The following CEP290 variants were observed in gnomAD, a reference collection of about 807,000 sequenced individuals.
The protein encoded by CEP290 is centrosomal protein of 290 kDa.
A neutral mutation model predicts 344.9 loss-of-function variants in CEP290; 317 were observed. That is an observed-to-expected ratio of 0.92 (90% CI 0.84 to 1.01). The LOEUF (loss-of-function observed/expected upper bound fraction) is 1.01, where lower values mean the gene tolerates loss of function less well. Ranked by LOEUF, CEP290 falls within the 50% of genes least tolerant of loss-of-function variation. The pLI, the probability that CEP290 is intolerant of heterozygous loss-of-function variation, is 0.00. For synonymous variants in CEP290, 932 were observed against 895.8 expected (o/e 1.04, Z -0.72); for missense variants, 2,754 against 2,761.4 (o/e 1.00, Z 0.06).
chr12:88,115,515 T>A, intron 18 of CEP290: 1 of 1,296,136 alleles, frequency 7.7e-7, no homozygotes, highest in Middle Eastern at 2.1e-4. Context: ...AAGCTCTATA[T>A]CTGCATTTCT....
At position 88,067,278 on chromosome 12, in the gene CEP290, AAGTT is replaced by A. The variant is rs529087726; in HGVS notation, c.6135+1240_6135+1243del. ...ACTAATTTTTGTAGGAACTAATCAA[AAGTT>A]AGAGCTTAAGATAAAGTTTACTAAT... On this transcript the variant is annotated intron_variant, in intron 44 of 53. Transcript: ENST00000552810. Among the ~76,000 whole-genome samples, 219 of 152,328 alleles carry A rather than the reference AAGTT, an allele frequency of 1.4e-3. 1 individual carries two copies. Among genetic ancestry groups the A allele is most frequent in the Middle Eastern group, 0.01 (3 of 294 alleles).
chr12:88,110,680 G>A (rs886857692), intron 22 of CEP290, among the ~76,000 whole-genome samples: 1 of 152,142 alleles, frequency 6.6e-6, no homozygotes, highest in African/African-American at 2.4e-5. Flanking sequence ...CTGCACTCCA[G>A]CCTGAGTGAC....
In CEP290 at chr12:88,077,860, C is replaced by T. The variant is rs763278328; in HGVS notation, c.5423G>A (p.Ser1808Asn). ...LLKLKEALKT[S>N]KNRENSLTDN... ...AGTTAGTGAGTTTTCTCTGTTTTTA[C>T]TTGTTTTAAGTGCTTCTTTCAATTT... is the stretch of plus-strand genomic sequence containing the variant. Residue 1808 changes from serine (S) to asparagine (N), a missense_variant, in exon 40 of 54, where the codon AGT becomes AAT. By Grantham distance (46) the Ser-to-Asn change is conservative (BLOSUM62 1). Coordinates refer to ENST00000552810, the MANE Select transcript of CEP290 (RefSeq NM_025114.4). 3.4e-6 allele frequency: 5 copies of T among 1,455,746 alleles called. No homozygotes were observed. The highest frequency in any genetic ancestry group is 4.7e-6 in the Non-Finnish European group (5 of 1,068,978). 90.2% of individuals were successfully genotyped at this position (1,455,746 alleles called of 1,614,324 possible).
intron 20 of CEP290, among the ~76,000 whole-genome samples, chr12:88,112,828 G>A (rs1243038524): frequency 1.3e-5 from 2 of 152,104 alleles, no homozygotes; most frequent in African/African-American, 4.8e-5. Flanking sequence ...GAAGATAAAA[G>A]TAGGTAGAGG....
intron 39 of CEP290, among the ~76,000 whole-genome samples, chr12:88,078,752 C>A (rs2035970262): frequency 6.6e-6 from 1 of 151,856 alleles, no homozygotes; most frequent in African/African-American, 2.4e-5. Flanking sequence ...TACAGGAAAT[C>A]TCTGTACCTT....
At chr12:88,084,048 A>C in intron 35 of CEP290, 94 bp from the exon 36 acceptor site, 1 of 787,572 alleles carries the variant, frequency 1.3e-6, no homozygotes, top group South Asian at 1.7e-5. Context: ...AATCTTCTAA[A>C]ATTCCTTTGA....
rs775938792 is a variant in CEP290 at position 88,083,188 on chromosome 12, G to A, written c.4855C>T (p.His1619Tyr). 1 of 1,527,922 alleles carries A rather than the reference G, an allele frequency of 6.5e-7. No homozygotes were observed. The highest frequency in any genetic ancestry group is 8.8e-7 in the Non-Finnish European group (1 of 1,141,188). The allele number at this position is 1,527,922 out of a possible 1,614,324, so 94.6% of individuals were successfully genotyped here. A position where few individuals can be genotyped will look rare whatever the true frequency, so the allele number is the denominator to read the frequency against. ...QSPTPVPTNK[H>Y]FIRLAEMEQT... ...TCCATCTCAGCCAGACGAATAAAAT[G>A]CTTGTTGGTAGGAACTGGAGTGGGA... Residue 1619 changes from histidine (H) to tyrosine (Y), a missense_variant, in exon 37 of 54, where the codon CAT becomes TAT. By Grantham distance (83) the His-to-Tyr change is moderately conservative (BLOSUM62 2). Transcript: ENST00000552810.
rs762199047 is a variant in CEP290, at chr12:88,049,375, C to G, written c.7249G>C (p.Asp2417His). Residue 2417 changes from aspartate (D) to histidine (H), a missense_variant, in exon 54 of 54, where the codon GAT becomes CAT. Physicochemically the swap from Asp to His is moderately conservative, Grantham distance 81 (BLOSUM62 -1). Coordinates refer to ENST00000552810, the MANE Select transcript of CEP290 (RefSeq NM_025114.4). ...TCAATTTCTTCAAAAAATGAAGGAT[C>G]AAAATTTTCCAGTTCTTTTTTCAGC... is the stretch of plus-strand genomic sequence containing the variant. Reference protein sequence around the residue: ...KKLKKELENFDPSFFEEIEDL... With the variant: ...KKLKKELENFHPSFFEEIEDL... 5 of 1,546,580 alleles carry G rather than the reference C, an allele frequency of 3.2e-6. No homozygotes were observed. Among genetic ancestry groups the G allele is most frequent in the Non-Finnish European group, 4.4e-6 (5 of 1,132,162 alleles).
intron 13 of CEP290, among the ~76,000 whole-genome samples, chr12:88,124,791 T>C (rs2039632020): frequency 6.6e-6 from 1 of 152,046 alleles, no homozygotes; most frequent in Non-Finnish European, 1.5e-5. Context: ...CTTATATTCA[T>C]AGAATTTGAT....
intron 49 of CEP290, among the ~76,000 whole-genome samples, chr12:88,057,300 A>C (rs1365541358): frequency 6.6e-6 from 1 of 152,194 alleles, no homozygotes; most frequent in Non-Finnish European, 1.5e-5. Context: ...AAATCTAGGC[A>C]AGGTGGGCTT....
chr12:88,108,554 T>G (rs982078849), intron 23 of CEP290, among the ~76,000 whole-genome samples: 3 of 152,164 alleles, frequency 2.0e-5, no homozygotes, highest in Non-Finnish European at 2.9e-5. Flanking sequence ...AGGAAATCAT[T>G]CTATTGATTT....
In CEP290 at chr12:88,106,749, CATTTT is replaced by C. The variant is rs1565876618; in HGVS notation, c.2738_2742del (p.Glu913GlyfsTer6). ...GACAACAATTCATTCTTTTGCTTCT[CATTTT>C]CTTTTCTAAGTTGTCGCTCCAATTC... On this transcript the variant is annotated frameshift_variant, in exon 25 of 54. Coordinates refer to ENST00000552810, the MANE Select transcript of CEP290 (RefSeq NM_025114.4). LOFTEE classifies it high-confidence loss of function. 1 of 1,611,328 alleles carries C rather than the reference CATTTT, an allele frequency of 6.2e-7. No individual in the cohort carries two copies. Among genetic ancestry groups the C allele is most frequent in the Non-Finnish European group, 8.5e-7 (1 of 1,178,646 alleles).
chr12:88,077,919 C>A lies in CEP290; in HGVS notation c.5365-1G>T. 1 of 1,223,996 alleles carries A rather than the reference C, an allele frequency of 8.2e-7. No individual in the cohort carries two copies. The highest frequency in any genetic ancestry group is 1.5e-5 in the South Asian group (1 of 67,998). The allele number at this position is 1,223,996 out of a possible 1,614,324, so 75.8% of individuals were successfully genotyped here. A position where few individuals can be genotyped will look rare whatever the true frequency, so the allele number is the denominator to read the frequency against. ...TTTCATTTAAATCTTCAACTTGTGT[C>A]TAATAAGAGAAAAAGAAAGGTATTA... On this transcript the variant is annotated splice_acceptor_variant, in intron 39 of 53. Transcript: ENST00000552810. LOFTEE classifies it high-confidence loss of function.
chr12:88,130,673 C>T (rs1326134999), intron 7 of CEP290, 108 bp from the exon 8 acceptor site: 5 of 807,188 alleles, frequency 6.2e-6, no homozygotes, highest in Non-Finnish European at 9.2e-6. Flanking sequence ...GAAAATGATG[C>T]ATATTATCTT....
chr12:88,131,817 A>G (rs1415104788), intron 6 of CEP290, among the ~76,000 whole-genome samples: 2 of 152,202 alleles, frequency 1.3e-5, no homozygotes, highest in Non-Finnish European at 2.9e-5. Flanking sequence ...AAAAACCCCT[A>G]ATAAAATGGT....
At position 88,114,554 on chromosome 12, in the gene CEP290, A is replaced by G. The variant is rs541138095; in HGVS notation, c.1918T>C (p.Leu640=). 54 of 1,539,166 alleles carry G rather than the reference A, an allele frequency of 3.5e-5. No individual in the cohort carries two copies. The African/African-American group carries it at 4.8e-4, about 14-fold the overall frequency. ...TCAAGTTGCTTATTTTCTTCAACTA[A>G]TTCTTTTACTGTAATTACACAGTTT... ...IAKFQNKLKE[L]VEENKQLEEG... Residue 640 remains leucine (L), a synonymous_variant, in exon 20 of 54, where the codon TTA becomes CTA. Transcript: ENST00000552810.
Position 88,102,980 on chromosome 12 carries a change from T to TG in CEP290, c.2848dup (p.Gln950ProfsTer6). 2 of 1,571,530 alleles carry TG rather than the reference T, an allele frequency of 1.3e-6. No individual in the cohort carries two copies. Among genetic ancestry groups the TG allele is most frequent in the Non-Finnish European group, 1.7e-6 (2 of 1,164,534 alleles). Reference sequence around the variant, plus strand: ...AGAAACACTATTATCTACAACTTTTTGGAGAGCTGCAATCTTGAAAATGGC... The same window carrying TG: ...AGAAACACTATTATCTACAACTTTTTGGGAGAGCTGCAATCTTGAAAATGGC... On this transcript the variant is annotated frameshift_variant, in exon 26 of 54. Coordinates refer to ENST00000552810, the MANE Select transcript of CEP290 (RefSeq NM_025114.4). LOFTEE classifies it high-confidence loss of function.
At chr12:88,054,941 GA>G (rs1043161586) in intron 50 of CEP290, among the ~76,000 whole-genome samples, 58 of 152,256 alleles carry the variant, frequency 3.8e-4, no homozygotes, top group African/African-American at 1.3e-3. Context: ...AACGAGTTTG[GA>G]TTGTTTAAAG....
intron 43 of CEP290, among the ~76,000 whole-genome samples, chr12:88,069,026 A>G (rs532923254): frequency 6.6e-6 from 1 of 152,320 alleles, no homozygotes; most frequent in Admixed American, 6.5e-5. Flanking sequence ...CTTCTCAAGA[A>G]GCTCAAGGAT....
Sources: gnomAD v4.1 joint callset for allele counts (sites outside exome capture counted in the v4.1 genomes callset) on GRCh38, gnomAD v4.1.1 for gene constraint, MANE v1.5 for transcripts, NCBI Gene and HGNC (gene_info 2026-07-23, HGNC 2026-07-21) for gene names.